CELF2: variants seen among roughly 807,000 people sequenced by gnomAD.
CELF2 encodes the protein CUG triplet repeat RNA-binding protein 2.
Under a neutral mutation model 62.6 loss-of-function variants are expected in CELF2, and 8 were observed. That is an observed-to-expected ratio of 0.13 (90% CI 0.07 to 0.23). The LOEUF is 0.23. CELF2 is among the 10% of genes least tolerant of loss of function. The pLI is 1.00. For missense variants in CELF2, 333 were observed against 671.0 expected (o/e 0.50, Z 5.56); for synonymous variants, 258 against 250.0 (o/e 1.03, Z -0.30).
the CELF2 span, among the ~76,000 whole-genome samples, chr10:10,521,573 G>A: frequency 6.6e-6 from 1 of 152,106 alleles, no homozygotes; most frequent in Non-Finnish European, 1.5e-5. Context: ...GCTAGATCCT[G>A]TTATTACCTG....
At position 10,960,880 on chromosome 10, in the gene CELF2, A is replaced by G. The variant is rs913310173; in HGVS notation, c.89+40881A>G. ...ATTTCAACACAATAGGCACATTTAG[A>G]GTCACATTGTAACTAGCCGTGCCCC... is the stretch of plus-strand genomic sequence containing the variant. On this transcript the variant is annotated intron_variant, in intron 2 of 13. Transcript: ENST00000636488. Among the ~76,000 whole-genome samples, 6 of 152,216 alleles carry G rather than the reference A, an allele frequency of 3.9e-5. No individual in the cohort carries two copies. The South Asian group carries it at 6.2e-4, about 16-fold the overall frequency.
At chr10:10,640,578 C>G in the CELF2 span, among the ~76,000 whole-genome samples, 1 of 152,182 alleles carries the variant, frequency 6.6e-6, no homozygotes, top group African/African-American at 2.4e-5. Flanking sequence ...AGTGGTCCTA[C>G]TCTGTAGTCT....
At chr10:10,740,341 G>T in the CELF2 span, among the ~76,000 whole-genome samples, 2 of 152,010 alleles carry the variant, frequency 1.3e-5, no homozygotes, top group East Asian at 3.9e-4. Flanking sequence ...TTTGCATGTG[G>T]CTATCCAGTT....
chr10:10,766,664 C>T, the CELF2 span, among the ~76,000 whole-genome samples: 1 of 152,186 alleles, frequency 6.6e-6, no homozygotes, highest in Admixed American at 6.5e-5. Flanking sequence ...TGAGGTTTAA[C>T]TTTCACCCCT....
intron 2 of CELF2, among the ~76,000 whole-genome samples, chr10:11,170,740 G>C (rs618208): frequency 0.48 from 72,986 of 151,938 alleles, 18,306 homozygotes; most frequent in East Asian, 0.83. Context: ...GATATGGAAA[G>C]TGTGTTCAAG....
chr10:11,176,996 T>C (rs572747425), intron 2 of CELF2, among the ~76,000 whole-genome samples: 1 of 152,292 alleles, frequency 6.6e-6, no homozygotes, highest in South Asian at 2.1e-4. Flanking sequence ...GTTATTTCAG[T>C]GAGACGCTGG....
the CELF2 span, among the ~76,000 whole-genome samples, chr10:10,473,693 A>G: frequency 2.0e-5 from 3 of 152,090 alleles, no homozygotes; most frequent in Admixed American, 2.0e-4. Flanking sequence ...GTTAACCATT[A>G]TATTTACTAT....
upstream of CELF2, chr10:11,017,783 G>T (rs2057480147): frequency 9.7e-6 from 2 of 206,702 alleles, no homozygotes; most frequent in Non-Finnish European, 1.7e-5. This position sits in a 1 kb window ranked among gnomAD's most constrained non-coding sequence, Gnocchi z 5.5. Flanking sequence ...CCCGCCCTGT[G>T]TCCCCGCGGG....
At chr10:10,538,447 C>A in the CELF2 span, among the ~76,000 whole-genome samples, 2 of 152,162 alleles carry the variant, frequency 1.3e-5, no homozygotes, top group South Asian at 2.1e-4. Context: ...GCTCTTGAAT[C>A]TTTGCCACTC....
At chr10:10,962,458 C>T (rs2049623053) in intron 2 of CELF2, among the ~76,000 whole-genome samples, 1 of 151,770 alleles carries the variant, frequency 6.6e-6, no homozygotes, top group Non-Finnish European at 1.5e-5. Context: ...CATAGTGGTT[C>T]ACACGTATAA....
intron 9 of CELF2, among the ~76,000 whole-genome samples, chr10:11,299,117 C>T (rs185225528): frequency 9.4e-4 from 143 of 152,344 alleles, no homozygotes; most frequent in African/African-American, 3.3e-3. Context: ...AACCAATATC[C>T]CCTCCTTACC....
At chr10:11,058,470 T>TAG (rs1564557703) in intron 1 of CELF2, among the ~76,000 whole-genome samples, 1 of 142,096 alleles carries the variant, frequency 7.0e-6, no homozygotes, top group Non-Finnish European at 1.5e-5. Context: ...GGTTTTTTTT[T>TAG]TTTTTTTTTT....
At position 11,182,198 on chromosome 10, in the gene CELF2, A is replaced by G. The variant is rs7915154; in HGVS notation, c.271+16516A>G. On this transcript the variant is annotated intron_variant, in intron 2 of 12. Coordinates refer to ENST00000633077, the MANE Select transcript of CELF2 (RefSeq NM_001326342.2). ...GTTTCGTTTGGCTCCAGTGTGAAGA[A>G]CCACACTGCAGTTCTCAGGAACAAT... 3.7e-3 allele frequency among the ~76,000 whole-genome samples: 559 copies of G among 152,320 alleles called. 6 individuals are homozygous for G. The highest frequency in any genetic ancestry group is 0.013 in the African/African-American group (540 of 41,562).
At chr10:10,708,958 C>T in the CELF2 span, among the ~76,000 whole-genome samples, 1 of 152,102 alleles carries the variant, frequency 6.6e-6, no homozygotes, top group Non-Finnish European at 1.5e-5. Flanking sequence ...CATTATATAA[C>T]CTACATAAAG....
chr10:11,054,620 T>C (rs2064805516), intron 1 of CELF2, among the ~76,000 whole-genome samples: 1 of 152,172 alleles, frequency 6.6e-6, no homozygotes, highest in Non-Finnish European at 1.5e-5. Flanking sequence ...GGTGGACGTG[T>C]AGTCTGTGGA....
chr10:11,123,502 A>T (rs1294389250), intron 1 of CELF2, among the ~76,000 whole-genome samples: 1 of 152,090 alleles, frequency 6.6e-6, no homozygotes, highest in African/African-American at 2.4e-5. Context: ...CTCCCACCTC[A>T]GCCTCCCAAA....
At chr10:10,565,906 C>T in the CELF2 span, among the ~76,000 whole-genome samples, 1 of 152,276 alleles carries the variant, frequency 6.6e-6, no homozygotes, top group Non-Finnish European at 1.5e-5. Context: ...ATTAATGAGG[C>T]AGTGGAGGTT....
the CELF2 span, among the ~76,000 whole-genome samples, chr10:10,613,049 G>A: frequency 3.9e-5 from 6 of 152,158 alleles, no homozygotes; most frequent in South Asian, 4.1e-4. Flanking sequence ...CTAAAGAAAC[G>A]CTCAACAGAC....
At chr10:10,841,380 G>A (rs2132517901) in intron 1 of CELF2, among the ~76,000 whole-genome samples, 1 of 150,066 alleles carries the variant, frequency 6.7e-6, no homozygotes, top group Middle Eastern at 3.4e-3. Context: ...CAAACCCAAA[G>A]TTATATATAG....
Sources: allele counts gnomAD v4.1 joint callset (sites outside exome capture counted in the v4.1 genomes callset), GRCh38; gene constraint gnomAD v4.1.1; non-coding constraint Gnocchi (gnomAD v3.1); transcripts MANE v1.5; gene names NCBI Gene and HGNC (gene_info 2026-07-23, HGNC 2026-07-21).